The following AEBP2 variants were observed in gnomAD, a reference collection of about 807,000 sequenced individuals.
AEBP2 encodes the protein AE binding protein 2.
In AEBP2, 10 loss-of-function variants were observed where a neutral mutation model predicts 50.8. That is an observed-to-expected ratio of 0.20 (90% CI 0.12 to 0.33). The LOEUF (loss-of-function observed/expected upper bound fraction) is 0.33. Ranked by LOEUF, AEBP2 falls within the 10% of genes least tolerant of loss-of-function variation. AEBP2 has a pLI of 1.00. For synonymous variants in AEBP2, 296 were observed against 261.3 expected, an observed-to-expected ratio of 1.13 and a Z score of -1.28; for missense variants, 570 against 688.0, an observed-to-expected ratio of 0.83 and a Z score of 1.92.
At chr12:19,466,820 A>C in intron 2 of AEBP2, 2 of 984,386 alleles carry the variant, frequency 2.0e-6, no homozygotes, top group Non-Finnish European at 2.4e-6. Context: ...TATGCTTCTG[A>C]TTATTGAAAG....
intron 1 of AEBP2, among the ~76,000 whole-genome samples, chr12:19,442,551 TGA>T (rs1258092379): frequency 6.6e-6 from 1 of 152,230 alleles, no homozygotes; most frequent in Non-Finnish European, 1.5e-5. Context: ...GATATTTACT[TGA>T]GTATATAATT....
At chr12:19,418,140 T>G (rs2095743627) in intron 1 of AEBP2, among the ~76,000 whole-genome samples, 1 of 152,208 alleles carries the variant, frequency 6.6e-6, no homozygotes, top group Admixed American at 6.5e-5. Context: ...TGACCCTCTA[T>G]GAGACTTCAT....
chr12:19,514,912 CT>C (rs34967305), intron 7 of AEBP2, 128 bp downstream of exon 7: 131,830 of 493,322 alleles, frequency 0.27, 1,307 homozygotes, highest in Middle Eastern at 0.34. Context: ...TACTTCCTGG[CT>C]TTTTTTTTTT....
chr12:19,443,026 G>A lies in AEBP2; in HGVS notation c.671+2656G>A, dbSNP rs531547963. 7.2e-5 allele frequency among the ~76,000 whole-genome samples: 11 copies of A among 151,914 alleles called. No individual in the cohort carries two copies. In the South Asian group the frequency reaches 2.1e-3, roughly 29 times the overall value. ...ATAATGCCCATTTACCTTTCCCATC[G>A]TTTTGGTTACGTTGTGCTTTTTAGT... is the stretch of plus-strand genomic sequence containing the variant. On this transcript the variant is annotated intron_variant, in intron 1 of 7. Coordinates refer to ENST00000266508, the MANE Select transcript of AEBP2 (RefSeq NM_153207.5).
intron 3 of AEBP2, among the ~76,000 whole-genome samples, chr12:19,486,144 C>T (rs574513656): frequency 4.8e-4 from 73 of 152,164 alleles, no homozygotes; most frequent in African/African-American, 1.7e-3. Flanking sequence ...TTCTCCTGCC[C>T]TCCACCCATC....
chr12:19,452,839 C>T (rs749651933), intron 1 of AEBP2, among the ~76,000 whole-genome samples: 22 of 152,038 alleles, frequency 1.4e-4, no homozygotes, highest in Non-Finnish European at 2.8e-4. Context: ...AAAGGAATAT[C>T]ACCTGTTAGC....
At chr12:19,454,168 G>A (rs1212406923) in intron 1 of AEBP2, among the ~76,000 whole-genome samples, 1 of 152,174 alleles carries the variant, frequency 6.6e-6, no homozygotes, top group African/African-American at 2.4e-5. Context: ...GGGATTAACA[G>A]ATGTGAGCAA....
At position 19,439,582 on chromosome 12, in the gene AEBP2, C is replaced by G; in HGVS notation, c.-118C>G. ...GCTGACGCAGCTCGCGGGCCCTCCTCCTGCTCTGCAGCGGCGTCGGCGGAG... is the reference window on the plus strand; with the variant it reads ...GCTGACGCAGCTCGCGGGCCCTCCTGCTGCTCTGCAGCGGCGTCGGCGGAG... On this transcript the variant is annotated 5_prime_UTR_variant, in exon 1 of 8. Coordinates refer to ENST00000266508, the MANE Select transcript of AEBP2 (RefSeq NM_153207.5). 7.4e-7 allele frequency: 1 copy of G among 1,353,326 alleles called. No homozygotes were observed. The allele number at this position is 1,353,326 out of a possible 1,614,324, so 83.8% of individuals were successfully genotyped here.
intron 1 of AEBP2, among the ~76,000 whole-genome samples, chr12:19,447,253 G>C (rs1948087766): frequency 6.6e-6 from 1 of 152,170 alleles, no homozygotes; most frequent in Admixed American, 6.5e-5. Context: ...TTCTTTCTGT[G>C]TAATTCCCTA....
intron 1 of AEBP2, among the ~76,000 whole-genome samples, chr12:19,420,424 C>T (rs2095745052): frequency 6.8e-6 from 1 of 148,110 alleles, no homozygotes; most frequent in African/African-American, 2.5e-5. Flanking sequence ...GTCTCTACCT[C>T]CCGGGTTCAA....
intron 1 of AEBP2, among the ~76,000 whole-genome samples, chr12:19,460,756 A>G (rs1347026206): frequency 6.6e-6 from 1 of 150,796 alleles, no homozygotes; most frequent in African/African-American, 2.4e-5. Context: ...CTGGGTTCAC[A>G]CCATTCTCCT....
At chr12:19,506,335 A>G (rs540703047) in intron 5 of AEBP2, among the ~76,000 whole-genome samples, 2 of 152,118 alleles carry the variant, frequency 1.3e-5, no homozygotes, top group South Asian at 2.1e-4. Context: ...CCTGAACTGT[A>G]GTGATCCACT....
intron 5 of AEBP2, among the ~76,000 whole-genome samples, chr12:19,508,319 C>G (rs947181999): frequency 2.0e-5 from 3 of 152,152 alleles, no homozygotes. Flanking sequence ...CCTCAGCCTC[C>G]CAAAGTGCTG....
At chr12:19,458,965 A>G (rs1207576315) in intron 1 of AEBP2, among the ~76,000 whole-genome samples, 1 of 152,042 alleles carries the variant, frequency 6.6e-6, no homozygotes, top group African/African-American at 2.4e-5. Context: ...GATCATGACT[A>G]CCCTGCACTT....
At chr12:19,430,822 G>T (rs2095751047) in intron 1 of AEBP2, among the ~76,000 whole-genome samples, 1 of 152,042 alleles carries the variant, frequency 6.6e-6, no homozygotes. Flanking sequence ...TTTGCACATT[G>T]ATTTTGTATC....
At chr12:19,428,901 G>A (rs2095749971) in intron 1 of AEBP2, among the ~76,000 whole-genome samples, 1 of 152,170 alleles carries the variant, frequency 6.6e-6, no homozygotes, top group African/African-American at 2.4e-5. Flanking sequence ...CACGTTGGGA[G>A]GCCAAAGTGA....
rs1257067123 is a variant in AEBP2, at chr12:19,455,610, C to CA, written c.672-6897dup. 1.3e-4 allele frequency among the ~76,000 whole-genome samples: 20 copies of CA among 152,286 alleles called. No homozygotes were observed. The East Asian group carries it at 3.7e-3, about 28-fold the overall frequency. Reference sequence around the variant, plus strand: ...ACTTGCCTAGAAGTAATTTAAGACTCAAAGTTGGGGCTGTTCTGGATGTAT... The same window carrying CA: ...ACTTGCCTAGAAGTAATTTAAGACTCAAAAGTTGGGGCTGTTCTGGATGTAT... On this transcript the variant is annotated intron_variant, in intron 1 of 7. Transcript: ENST00000266508.
intron 1 of AEBP2, among the ~76,000 whole-genome samples, chr12:19,430,232 A>G (rs2095750734): frequency 6.6e-6 from 1 of 152,194 alleles, no homozygotes; most frequent in Admixed American, 6.5e-5. Flanking sequence ...ATTAAACAGG[A>G]ATCCTTTCCC....
intron 4 of AEBP2, among the ~76,000 whole-genome samples, chr12:19,496,687 G>C (rs1948987085): frequency 6.7e-6 from 1 of 148,196 alleles, no homozygotes; most frequent in Non-Finnish European, 1.5e-5. Flanking sequence ...TCTGAGACAG[G>C]GTCTCTCTCT....
Sources: gnomAD v4.1 joint callset for allele counts (sites outside exome capture counted in the v4.1 genomes callset) on GRCh38, gnomAD v4.1.1 for gene constraint, MANE v1.5 for transcripts, NCBI Gene and HGNC (gene_info 2026-07-23, HGNC 2026-07-21) for gene names.